SEC24B: variants seen among roughly 807,000 people sequenced by gnomAD.
SEC24B encodes the protein protein transport protein Sec24B.
Under a neutral mutation model 142.8 loss-of-function variants are expected in SEC24B, and 45 were observed. The observed-to-expected ratio is 0.32, with a 90% CI of 0.25 to 0.40. SEC24B has a LOEUF of 0.40. Ranked by LOEUF, SEC24B falls within the 10% of genes least tolerant of loss-of-function variation. The pLI is 1.00. For missense variants in SEC24B, 1,409 were observed against 1,526.8 expected (o/e 0.92, Z 1.29); for synonymous variants, 574 against 568.2 (o/e 1.01, Z -0.15).
intron 17 of SEC24B, among the ~76,000 whole-genome samples, chr4:109,526,926 C>A (rs867887902): frequency 6.6e-6 from 1 of 152,082 alleles, no homozygotes; most frequent in East Asian, 1.9e-4. Flanking sequence ...AATAAAAATT[C>A]GACTTGTGGC....
intron 20 of SEC24B, 133 bp downstream of exon 20, chr4:109,531,655 TTAAA>T: frequency 1.6e-6 from 1 of 610,636 alleles, no homozygotes; most frequent in Non-Finnish European, 2.8e-6. Context: ...TAGTAATACA[TTAAA>T]TAAGGACACT....
intron 1 of SEC24B, chr4:109,449,658 G>A (rs372506418): frequency 3.6e-5 from 13 of 361,418 alleles, no homozygotes; most frequent in African/African-American, 2.2e-4. Context: ...GTATGTGCAC[G>A]TAGAGAGATC....
At chr4:109,526,453 C>T (rs1724237246) in intron 17 of SEC24B, 54 bp downstream of exon 17, 3 of 1,373,958 alleles carry the variant, frequency 2.2e-6, no homozygotes, top group Non-Finnish European at 3.0e-6. Context: ...TCCCTCCTTT[C>T]ACATGGCCTT....
At chr4:109,520,323 T>C in intron 11 of SEC24B, 43 bp from the exon 12 acceptor site, 1 of 1,114,154 alleles carries the variant, frequency 9.0e-7, no homozygotes, top group South Asian at 1.3e-5. Context: ...ATGAAATATG[T>C]TACTGAGCAC....
chr4:109,524,704 T>G (rs1724028125), intron 14 of SEC24B, 114 bp from the exon 15 acceptor site: 1 of 884,434 alleles, frequency 1.1e-6, no homozygotes, highest in Non-Finnish European at 1.7e-6. Context: ...GCCTAGACAT[T>G]TAGAAAACTC....
chr4:109,521,677 T>G (rs1723627825), intron 14 of SEC24B, 51 bp downstream of exon 14: 1 of 1,294,636 alleles, frequency 7.7e-7, no homozygotes, highest in South Asian at 1.3e-5. Flanking sequence ...AATTATTTGT[T>G]TATTCTATTT....
intron 21 of SEC24B, among the ~76,000 whole-genome samples, 196 bp downstream of exon 21, chr4:109,532,939 T>C (rs1725090843): frequency 6.6e-6 from 1 of 152,242 alleles, no homozygotes; most frequent in Non-Finnish European, 1.5e-5. Flanking sequence ...ATTGATGTTA[T>C]TGATATTTGT....
At chr4:109,514,337 A>G (rs1578952698) in intron 10 of SEC24B, among the ~76,000 whole-genome samples, 2 of 152,312 alleles carry the variant, frequency 1.3e-5, no homozygotes, top group East Asian at 1.9e-4. Context: ...TTTCACTTCA[A>G]AAACGAATTA....
chr4:109,474,605 G>C (rs1046873073), intron 3 of SEC24B, among the ~76,000 whole-genome samples: 8 of 151,676 alleles, frequency 5.3e-5, no homozygotes, highest in South Asian at 2.1e-4. Context: ...TTGTATTTTT[G>C]GTGGAGATGG....
rs538974611 is a variant in SEC24B, at chr4:109,525,152, C to G, written c.2633-194C>G. Among the ~76,000 whole-genome samples, 22 of 152,120 alleles carry G rather than the reference C, an allele frequency of 1.4e-4. 1 individual carries two copies. The highest frequency in any genetic ancestry group is 5.3e-4 in the African/African-American group (22 of 41,538). ...TTGTTTAGATAGCATGATTCCCTTA[C>G]CATTCTGCTCAACAGTAAACTTTAT... is the stretch of plus-strand genomic sequence containing the variant. On this transcript the variant is annotated intron_variant, in intron 15 of 23. Coordinates refer to ENST00000265175, the MANE Select transcript of SEC24B (RefSeq NM_006323.5).
chr4:109,445,967 C>CTTTT (rs34601695), intron 1 of SEC24B, among the ~76,000 whole-genome samples: 2 of 130,942 alleles, frequency 1.5e-5, no homozygotes, highest in Non-Finnish European at 3.3e-5. Context: ...TTCTAAGATG[C>CTTTT]TTTTTTTTTT....
In SEC24B at chr4:109,502,993, G is replaced by A. The variant is rs538013640; in HGVS notation, c.1489-3335G>A. 6.6e-5 allele frequency among the ~76,000 whole-genome samples: 10 copies of A among 151,272 alleles called. No individual in the cohort carries two copies. The South Asian group carries it at 1.7e-3, about 25-fold the overall frequency. ...ATGTTGACATTGGTTTTTAATTTTA[G>A]TGTGTTTTTATTTTTTACCTTGGAG... On this transcript the variant is annotated intron_variant, in intron 6 of 23. Transcript: ENST00000265175.
intron 18 of SEC24B, among the ~76,000 whole-genome samples, chr4:109,529,559 T>C (rs977530213): frequency 6.6e-6 from 1 of 152,174 alleles, no homozygotes; most frequent in African/African-American, 2.4e-5. Context: ...TTTGTTGGCT[T>C]GGAATGCTTT....
intron 2 of SEC24B, among the ~76,000 whole-genome samples, chr4:109,464,293 C>A (rs1731627913): frequency 6.6e-6 from 1 of 150,774 alleles, no homozygotes; most frequent in Admixed American, 6.6e-5. Context: ...CGTGGCTTGC[C>A]CTTTTTTTTT....
intron 4 of SEC24B, among the ~76,000 whole-genome samples, chr4:109,486,618 T>C (rs1048550355): frequency 1.3e-5 from 2 of 152,360 alleles, no homozygotes; most frequent in African/African-American, 2.4e-5. Context: ...CATTTCATAC[T>C]TGACCCCCAT....
chr4:109,483,034 T>TATATATGTATTTATGTATTTATA (rs1733953326), intron 4 of SEC24B, among the ~76,000 whole-genome samples: 6 of 108,764 alleles, frequency 5.5e-5, no homozygotes, highest in African/African-American at 2.4e-4. Flanking sequence ...ATATATGTAT[T>TATATATGTATTTATGTATTTATA]TATATATATG....
Position 109,530,339 on chromosome 4 carries a change from G to A in SEC24B, c.3127G>A (p.Val1043Met). The change falls in exon 19 of 24, where the codon GTG becomes ATG. Residue 1043 changes from valine (V) to methionine (M), a missense_variant. Physicochemically the swap from Val to Met is conservative, Grantham distance 21. Around this residue, in one of 2 missense-constraint regions of SEC24B, gnomAD observed 700 missense variants for 853.3 expected, o/e 0.82. Coordinates refer to ENST00000265175, the MANE Select transcript of SEC24B (RefSeq NM_006323.5). ...SSLSDARDAL[V>M]NAVVDSLSAY... ...TCTGTCAGATGCAAGAGATGCCTTA[G>A]TGAATGCTGTAGTGGACTCATTGTC... is the stretch of plus-strand genomic sequence containing the variant. 1 of 1,614,056 alleles carries A rather than the reference G, an allele frequency of 6.2e-7. No individual in the cohort carries two copies. Among genetic ancestry groups the A allele is most frequent in the Non-Finnish European group, 8.5e-7 (1 of 1,179,974 alleles).
intron 1 of SEC24B, among the ~76,000 whole-genome samples, chr4:109,452,124 C>T (rs1419069626): frequency 6.6e-6 from 1 of 152,070 alleles, no homozygotes; most frequent in Non-Finnish European, 1.5e-5. Flanking sequence ...CAGCCCCTGG[C>T]AGCCATTGCT....
rs757682744 is a variant in SEC24B, at chr4:109,531,394, A to C, written c.3262A>C (p.Arg1088=). The C allele has an allele frequency of 6.2e-7, 1 of 1,607,878 alleles. No individual in the cohort carries two copies. The highest frequency in any genetic ancestry group is 1.7e-5 in the Admixed American group (1 of 59,126). The change falls in exon 20 of 24, where the codon AGA becomes CGA. Residue 1088 remains arginine (R), a synonymous_variant. Coordinates refer to ENST00000265175, the MANE Select transcript of SEC24B (RefSeq NM_006323.5). ...VLALLKQKAF[R]TGTSTRLDDR... The stretch of plus-strand genomic sequence containing the variant: ...ATCTTTTTCCTTGTAGAAAGCATTT[A>C]GAACGGGTACAAGCACACGGCTGGA...
Sources: allele counts gnomAD v4.1 joint callset (sites outside exome capture counted in the v4.1 genomes callset), GRCh38; gene constraint gnomAD v4.1.1; regional missense constraint gnomAD v4.1.1; transcripts MANE v1.5; gene names NCBI Gene and HGNC (gene_info 2026-07-23, HGNC 2026-07-21).